The following TMEM245 variants were observed in gnomAD, a reference collection of about 807,000 sequenced individuals.
The protein encoded by TMEM245 is transmembrane protein 245, also known as protein CG-2.
In TMEM245, 69 loss-of-function variants were observed where a neutral mutation model predicts 101.2. That is an observed-to-expected ratio of 0.68 (90% CI 0.56 to 0.83). TMEM245 has a LOEUF of 0.83. TMEM245 is among the 40% of genes least tolerant of loss of function. TMEM245 has a pLI of 0.00. For synonymous variants in TMEM245, 537 were observed against 449.8 expected, an observed-to-expected ratio of 1.19 and a Z score of -2.45; for missense variants, 1,075 against 1,092.8, an observed-to-expected ratio of 0.98 and a Z score of 0.23.
In TMEM245 at chr9:109,087,293, T is replaced by C. The variant is rs771693369; in HGVS notation, c.1200A>G (p.Leu400=). Residue 400 remains leucine (L), a synonymous_variant, in exon 6 of 18, where the codon CTA becomes CTG. Transcript: ENST00000374586. The part of the protein sequence containing the change: ...LVIHFGVVDF[L]EKRYHVWWGI... ...CCCACCACACATGGTAGCGTTTCTCTAGGAAATCCACAACTCCAAAGTGAA... is the reference window on the plus strand; with the variant it reads ...CCCACCACACATGGTAGCGTTTCTCCAGGAAATCCACAACTCCAAAGTGAA... The C allele has an allele frequency of 9.3e-6, 15 of 1,612,944 alleles. No individual in the cohort carries two copies. Among genetic ancestry groups the C allele is most frequent in the Non-Finnish European group, 1.0e-5 (12 of 1,179,590 alleles).
At chr9:109,035,702 A>C (rs1357635422) in intron 16 of TMEM245, among the ~76,000 whole-genome samples, 1 of 152,184 alleles carries the variant, frequency 6.6e-6, no homozygotes, top group African/African-American at 2.4e-5. Flanking sequence ...AAATGTCACT[A>C]AATCAAGAGA....
chr9:109,106,214 A>G (rs1830417286), intron 3 of TMEM245, among the ~76,000 whole-genome samples: 1 of 151,980 alleles, frequency 6.6e-6, no homozygotes, highest in South Asian at 2.1e-4. Flanking sequence ...ACAGAGCAAG[A>G]CCTTGTCACT....
At chr9:109,075,287 G>C (rs1328576433) in intron 8 of TMEM245, among the ~76,000 whole-genome samples, 3 of 152,078 alleles carry the variant, frequency 2.0e-5, no homozygotes, top group Non-Finnish European at 1.5e-5. Context: ...TTTTGTTAAG[G>C]ATTTTTGTGT....
intron 9 of TMEM245, among the ~76,000 whole-genome samples, chr9:109,064,937 G>A (rs1390689094): frequency 2.6e-5 from 4 of 152,078 alleles, no homozygotes; most frequent in African/African-American, 7.2e-5. Flanking sequence ...TCATAGGCAC[G>A]TCACCACGCC....
intron 2 of TMEM245, 97 bp downstream of exon 2, chr9:109,108,356 T>C (rs1378598768): frequency 3.5e-5 from 19 of 542,418 alleles, no homozygotes; most frequent in Non-Finnish European, 6.0e-5. Flanking sequence ...AAATGCAACA[T>C]ATGACACTAC....
chr9:109,042,313 A>G (rs1247555476), intron 14 of TMEM245: 5 of 152,104 alleles, frequency 3.3e-5, no homozygotes, highest in Non-Finnish European at 7.3e-5. Flanking sequence ...GAAGTCCTAA[A>G]ACCTGGATGC....
At chr9:109,112,675 A>C (rs535337279) in intron 1 of TMEM245, among the ~76,000 whole-genome samples, 1 of 152,374 alleles carries the variant, frequency 6.6e-6, no homozygotes, top group African/African-American at 2.4e-5. Flanking sequence ...AAAACAAAAA[A>C]CAAAAACCTT....
chr9:109,028,790 T>A (rs146594724), intron 17 of TMEM245, among the ~76,000 whole-genome samples: 73 of 152,214 alleles, frequency 4.8e-4, no homozygotes, highest in African/African-American at 1.6e-3. Flanking sequence ...AGAGGCAGCC[T>A]CTAGGAGCCA....
At chr9:109,022,286 C>T (rs544011770) in intron 17 of TMEM245, among the ~76,000 whole-genome samples, 1 of 152,296 alleles carries the variant, frequency 6.6e-6, no homozygotes, top group East Asian at 1.9e-4. Flanking sequence ...AACTGTTAGT[C>T]TCCTGGCTAT....
intron 17 of TMEM245, among the ~76,000 whole-genome samples, chr9:109,025,212 T>C (rs1827758741): frequency 6.6e-6 from 1 of 152,148 alleles, no homozygotes; most frequent in South Asian, 2.1e-4. Context: ...GAAGCGGGGA[T>C]GGTTTATGGG....
At chr9:109,057,726 G>C (rs1828882004) in intron 11 of TMEM245, among the ~76,000 whole-genome samples, 2 of 152,190 alleles carry the variant, frequency 1.3e-5, no homozygotes, top group Non-Finnish European at 2.9e-5. Context: ...ACTCCAGCCT[G>C]GGTGACAGAG....
At chr9:109,101,992 T>C (rs1485919231) in intron 3 of TMEM245, among the ~76,000 whole-genome samples, 1 of 148,858 alleles carries the variant, frequency 6.7e-6, no homozygotes, top group African/African-American at 2.4e-5. Flanking sequence ...TACTTGGCCC[T>C]GGACAAAAGC....
chr9:109,106,352 C>T (rs1830423608), intron 3 of TMEM245, among the ~76,000 whole-genome samples, 156 bp downstream of exon 3: 1 of 149,890 alleles, frequency 6.7e-6, no homozygotes, highest in Admixed American at 6.7e-5. Context: ...AAATCATGGT[C>T]TAACAACCTA....
intron 7 of TMEM245, among the ~76,000 whole-genome samples, chr9:109,083,927 A>AAAAAAAAAAAAAAAAAAAAAG (rs1749910658): frequency 7.1e-6 from 1 of 140,420 alleles, no homozygotes. Context: ...AAAAAAAAAA[A>AAAAAAAAAAAAAAAAAAAAAG]AACACCAGGC....
chr9:109,034,889 G>A (rs544453692), intron 16 of TMEM245, among the ~76,000 whole-genome samples: 1 of 152,176 alleles, frequency 6.6e-6, no homozygotes, highest in Admixed American at 6.5e-5. Flanking sequence ...GGGCATCGTG[G>A]CTCATGCCTG....
In TMEM245 at chr9:109,108,445, G is replaced by C. The variant is rs759393929; in HGVS notation, c.697+8C>G. 1 of 1,294,758 alleles carries C rather than the reference G, an allele frequency of 7.7e-7. No individual in the cohort carries two copies. Among genetic ancestry groups the C allele is most frequent in the Non-Finnish European group, 1.0e-6 (1 of 961,696 alleles). The allele number at this position is 1,294,758 out of a possible 1,614,324, so 80.2% of individuals were successfully genotyped here. A position where few individuals can be genotyped will look rare whatever the true frequency, so the allele number is the denominator to read the frequency against. On this transcript the variant is annotated splice_region_variant and intron_variant, in intron 2 of 17. Coordinates refer to ENST00000374586, the MANE Select transcript of TMEM245 (RefSeq NM_032012.4). Reference sequence around the variant, plus strand: ...TAAAAAAAAAAAAAAAAAAAAGAAGGAACCCACCTAAATGAAAAAGCAATA... The same window carrying C: ...TAAAAAAAAAAAAAAAAAAAAGAAGCAACCCACCTAAATGAAAAAGCAATA...
chr9:109,032,365 C>CTTTTTTTTTTTTTTTTTTTTTTTTTTTT (rs755399182), intron 17 of TMEM245, among the ~76,000 whole-genome samples: 2 of 40,960 alleles, frequency 4.9e-5, no homozygotes, highest in Non-Finnish European at 8.8e-5. Context: ...ATTTCTTTTC[C>CTTTTTTTTTTTTTTTTTTTTTTTTTTTT]TTTTTTTTTT....
intron 12 of TMEM245, among the ~76,000 whole-genome samples, chr9:109,055,288 C>T (rs1277115208): frequency 6.6e-6 from 1 of 152,192 alleles, no homozygotes; most frequent in Non-Finnish European, 1.5e-5. Flanking sequence ...AGATGATACA[C>T]TATTTTGTGT....
intron 3 of TMEM245, among the ~76,000 whole-genome samples, chr9:109,099,397 G>C (rs1418432968): frequency 6.6e-6 from 1 of 152,122 alleles, no homozygotes; most frequent in Non-Finnish European, 1.5e-5. Context: ...CAACTATCAG[G>C]ATTCATCTCT....
Sources: allele counts gnomAD v4.1 joint callset (sites outside exome capture counted in the v4.1 genomes callset), GRCh38; gene constraint gnomAD v4.1.1; transcripts MANE v1.5; gene names NCBI Gene and HGNC (gene_info 2026-07-23, HGNC 2026-07-21).